The following RBM47 variants were observed in gnomAD, a reference collection of about 807,000 sequenced individuals.
RBM47 encodes the protein RNA binding motif protein 47.
Under a neutral mutation model 47.1 loss-of-function variants are expected in RBM47, and 21 were observed. The ratio of observed to expected loss-of-function variants is 0.45; its 90% CI spans 0.32 to 0.64. RBM47 has a LOEUF of 0.64. RBM47 is among the 30% of genes least tolerant of loss of function. The pLI, the probability that RBM47 is intolerant of heterozygous loss-of-function variation, is 0.05. For synonymous variants in RBM47, 375 were observed against 361.7 expected (o/e 1.04, Z -0.42); for missense variants, 708 against 870.9 (o/e 0.81, Z 2.35).
At chr4:40,431,605 C>T (rs964779662) in intron 6 of RBM47, among the ~76,000 whole-genome samples, 2 of 150,872 alleles carry the variant, frequency 1.3e-5, no homozygotes, top group Non-Finnish European at 2.9e-5. Context: ...TTGCAGTGAG[C>T]CGAGATGGCG....
At chr4:40,430,160 A>G (rs1358544433) in intron 6 of RBM47, among the ~76,000 whole-genome samples, 1 of 152,064 alleles carries the variant, frequency 6.6e-6, no homozygotes, top group African/African-American at 2.4e-5. Context: ...ACGCCACTAC[A>G]CTCCAGCCTG....
At chr4:40,544,128 C>T (rs1004130841) in intron 2 of RBM47, 43 of 152,240 alleles carry the variant, frequency 2.8e-4, no homozygotes, top group African/African-American at 1.0e-3. Flanking sequence ...GAACCCACCA[C>T]CAGACATTTT....
intron 2 of RBM47, among the ~76,000 whole-genome samples, chr4:40,494,293 T>C (rs1722281561): frequency 6.6e-6 from 1 of 152,238 alleles, no homozygotes; most frequent in South Asian, 2.1e-4. Context: ...GAGATAATGT[T>C]AACATGAGTC....
At chr4:40,615,672 T>C (rs1736655597) in intron 1 of RBM47, among the ~76,000 whole-genome samples, 1 of 152,012 alleles carries the variant, frequency 6.6e-6, no homozygotes, top group Non-Finnish European at 1.5e-5. Flanking sequence ...TCCCAGCTAC[T>C]AGGGAGGCTG....
In RBM47 at chr4:40,615,870, C is replaced by T. The variant is rs147731308; in HGVS notation, c.-240+13526G>A. Among the ~76,000 whole-genome samples, 1,110 of 152,248 alleles carry T rather than the reference C, an allele frequency of 7.3e-3. 12 individuals carry two copies. Among genetic ancestry groups the T allele is most frequent in the African/African-American group, 0.025 (1,055 of 41,536 alleles). On this transcript the variant is annotated intron_variant, in intron 1 of 6. Transcript: ENST00000295971. ...AACCATCTTATGCAAAACGAATAACCACACCATCTGTGGCTCAATTAAGCA... is the reference window on the plus strand; with the variant it reads ...AACCATCTTATGCAAAACGAATAACTACACCATCTGTGGCTCAATTAAGCA...
chr4:40,434,275 TCAC>T (rs1711922935), intron 5 of RBM47, among the ~76,000 whole-genome samples: 1 of 152,138 alleles, frequency 6.6e-6, no homozygotes, highest in Non-Finnish European at 1.5e-5. Flanking sequence ...CCCAGATACT[TCAC>T]CACCACCCTG....
At chr4:40,496,821 C>T (rs1477428018) in intron 2 of RBM47, among the ~76,000 whole-genome samples, 4 of 151,922 alleles carry the variant, frequency 2.6e-5, no homozygotes, top group Non-Finnish European at 4.4e-5. Context: ...GGGTGGATCA[C>T]CTGAGGTCAG....
At chr4:40,509,150 C>A (rs1172279409) in intron 2 of RBM47, among the ~76,000 whole-genome samples, 1 of 122,516 alleles carries the variant, frequency 8.2e-6, no homozygotes, top group Non-Finnish European at 1.8e-5. Flanking sequence ...ACAGAGTGAG[C>A]CTCCATCTCA....
chr4:40,548,280 G>C (rs1380419603), intron 1 of RBM47, among the ~76,000 whole-genome samples: 1 of 152,204 alleles, frequency 6.6e-6, no homozygotes, highest in Non-Finnish European at 1.5e-5. Flanking sequence ...AGGGACATAA[G>C]AGCGTACAGG....
intron 1 of RBM47, among the ~76,000 whole-genome samples, chr4:40,571,227 A>C (rs1032876608): frequency 8.7e-6 from 1 of 114,562 alleles, no homozygotes; most frequent in African/African-American, 3.0e-5. Flanking sequence ...AAAGAAAAAG[A>C]AAAGAAAAGA....
At chr4:40,526,192 G>C (rs1726688816) in intron 2 of RBM47, among the ~76,000 whole-genome samples, 1 of 152,118 alleles carries the variant, frequency 6.6e-6, no homozygotes, top group Non-Finnish European at 1.5e-5. Flanking sequence ...AGAACACACA[G>C]ACTCTGGATC....
intron 3 of RBM47, among the ~76,000 whole-genome samples, chr4:40,450,205 G>A (rs547868314): frequency 1.3e-5 from 2 of 152,242 alleles, no homozygotes; most frequent in Middle Eastern, 3.4e-3. Flanking sequence ...CAGAAAGGCC[G>A]ACTGGCAGAC....
intron 1 of RBM47, among the ~76,000 whole-genome samples, chr4:40,622,243 T>C (rs7658903): frequency 0.73 from 110,565 of 152,046 alleles, 40,738 homozygotes; most frequent in African/African-American, 0.83. Context: ...AGCAGGGTAG[T>C]GAGACAGAGG....
At chr4:40,433,813 T>C (rs755127175) in intron 5 of RBM47, among the ~76,000 whole-genome samples, 5 of 151,982 alleles carry the variant, frequency 3.3e-5, no homozygotes, top group South Asian at 2.1e-4. Context: ...CCACGCAAAG[T>C]AGTGAAGATG....
At chr4:40,569,912 A>G (rs534601952) in intron 1 of RBM47, among the ~76,000 whole-genome samples, 24 of 145,488 alleles carry the variant, frequency 1.6e-4, no homozygotes, top group African/African-American at 5.4e-4. Flanking sequence ...GGGTTTCACC[A>G]TGTTGGCCAG....
intron 2 of RBM47, among the ~76,000 whole-genome samples, chr4:40,517,321 G>C (rs1453019904): frequency 1.3e-5 from 2 of 152,076 alleles, no homozygotes; most frequent in Non-Finnish European, 2.9e-5. Context: ...AGTTTTAGTA[G>C]AGACAGGGTT....
chr4:40,608,048 G>A (rs937821454), intron 1 of RBM47, among the ~76,000 whole-genome samples: 3 of 151,908 alleles, frequency 2.0e-5, no homozygotes, highest in Non-Finnish European at 4.4e-5. Flanking sequence ...GTTGCAGTGA[G>A]CTGAGATCAC....
intron 3 of RBM47, among the ~76,000 whole-genome samples, chr4:40,441,484 T>C (rs1272612374): frequency 1.3e-5 from 2 of 152,144 alleles, no homozygotes. Flanking sequence ...GATAAGGATA[T>C]ATTTTTAAGA....
intron 4 of RBM47, 198 bp from the exon 5 acceptor site, chr4:40,436,845 T>C (rs1186171690): frequency 1.4e-6 from 1 of 698,226 alleles, no homozygotes. Flanking sequence ...GTCTTCTTAG[T>C]ACAAGAGGCA....
Sources: gnomAD v4.1 joint callset for allele counts (sites outside exome capture counted in the v4.1 genomes callset) on GRCh38, gnomAD v4.1.1 for gene constraint, MANE v1.5 for transcripts, NCBI Gene and HGNC (gene_info 2026-07-23, HGNC 2026-07-21) for gene names.